The following CACNA2D3 variants were observed in gnomAD, a reference collection of about 807,000 sequenced individuals.
The protein encoded by CACNA2D3 is voltage-dependent calcium channel subunit alpha-2/delta-3.
A neutral mutation model predicts 160.6 loss-of-function variants in CACNA2D3; 60 were observed. That is an observed-to-expected ratio of 0.37 (90% CI 0.30 to 0.46). The LOEUF is 0.46. CACNA2D3 is among the 20% of genes least tolerant of loss of function. The pLI, the probability that CACNA2D3 is intolerant of heterozygous loss-of-function variation, is 1.00. For missense variants in CACNA2D3, 1,205 were observed against 1,365.0 expected (o/e 0.88, Z 1.85); for synonymous variants, 558 against 492.9 (o/e 1.13, Z -1.75).
At chr3:54,645,617 T>C (rs1699618622) in intron 11 of CACNA2D3, among the ~76,000 whole-genome samples, 1 of 152,144 alleles carries the variant, frequency 6.6e-6, no homozygotes, top group Non-Finnish European at 1.5e-5. Flanking sequence ...TGACCACTGC[T>C]CTAGGGGAAC....
At chr3:54,277,414 G>A (rs563121715) in intron 2 of CACNA2D3, among the ~76,000 whole-genome samples, 22 of 152,242 alleles carry the variant, frequency 1.4e-4, no homozygotes, top group South Asian at 4.2e-4. Context: ...TTTTTGTCAG[G>A]TTTATAAACG....
chr3:54,846,492 A>G lies in CACNA2D3; in HGVS notation c.1626+25A>G, dbSNP rs1160721178. On this transcript the variant is annotated intron_variant, in intron 17 of 37. Coordinates refer to ENST00000474759, the MANE Select transcript of CACNA2D3 (RefSeq NM_018398.3). The stretch of plus-strand genomic sequence containing the variant: ...GGTAAGAGAAATTATGTACTTCTGC[A>G]TTTCTGCTTTTATGATTTTAAAAGA... 6.2e-6 allele frequency: 9 copies of G among 1,440,906 alleles called. No homozygotes were observed. The Admixed American group carries it at 1.5e-4, about 24-fold the overall frequency. 89.3% of individuals were successfully genotyped at this position (1,440,906 alleles called of 1,614,324 possible).
At chr3:54,320,314 A>G in intron 2 of CACNA2D3, 128 bp from the exon 3 acceptor site, 2 of 533,072 alleles carry the variant, frequency 3.8e-6, no homozygotes, top group Non-Finnish European at 6.6e-6. Flanking sequence ...AATATCCACA[A>G]ATTCACCAGA....
At chr3:54,653,082 A>G (rs953562280) in intron 11 of CACNA2D3, among the ~76,000 whole-genome samples, 9 of 152,040 alleles carry the variant, frequency 5.9e-5, no homozygotes, top group African/African-American at 2.2e-4. Flanking sequence ...CGTGCCGGAC[A>G]TATGGGAGGC....
chr3:54,526,390 A>AT (rs1701723295), intron 5 of CACNA2D3, among the ~76,000 whole-genome samples: 1 of 151,522 alleles, frequency 6.6e-6, no homozygotes, highest in Non-Finnish European at 1.5e-5. Context: ...ATATTTTCCT[A>AT]TTTTTTGCAT....
intron 2 of CACNA2D3, among the ~76,000 whole-genome samples, chr3:54,191,589 G>A (rs1316191116): frequency 6.6e-6 from 1 of 152,080 alleles, no homozygotes; most frequent in Non-Finnish European, 1.5e-5. Flanking sequence ...AAGGAAATCG[G>A]TGATACAGTC....
rs1220224017 is a variant in CACNA2D3, at chr3:54,198,656, T to C, written c.204+75062T>C. On this transcript the variant is annotated intron_variant, in intron 2 of 37. Coordinates refer to ENST00000474759, the MANE Select transcript of CACNA2D3 (RefSeq NM_018398.3). ...TTGTTTAAAAGGAAGACACTCAGCT[T>C]GGGAGCACTGTGGGATTCAAGGTTT... Among the ~76,000 whole-genome samples, 3 of 152,388 alleles carry C rather than the reference T, an allele frequency of 2.0e-5. No homozygotes were observed. In the South Asian group the frequency reaches 6.2e-4, roughly 32 times the overall value.
intron 11 of CACNA2D3, among the ~76,000 whole-genome samples, chr3:54,741,588 AT>A (rs1255037927): frequency 8.1e-6 from 1 of 122,746 alleles, no homozygotes; most frequent in Non-Finnish European, 1.8e-5. Context: ...AGAAAAAAAA[AT>A]AATAAGAAAA....
At chr3:55,018,854 G>C (rs1221436733) in intron 35 of CACNA2D3, among the ~76,000 whole-genome samples, 1 of 151,404 alleles carries the variant, frequency 6.6e-6, no homozygotes, top group Admixed American at 6.6e-5. Context: ...TTACTGATTT[G>C]GGTGTTCTTT....
At chr3:54,161,512 C>T (rs1700343903) in intron 2 of CACNA2D3, among the ~76,000 whole-genome samples, 1 of 152,236 alleles carries the variant, frequency 6.6e-6, no homozygotes, top group Non-Finnish European at 1.5e-5. Flanking sequence ...TTTGCTTCTG[C>T]ATATGAATTA....
chr3:55,016,124 A>T (rs528756390), intron 34 of CACNA2D3, among the ~76,000 whole-genome samples: 7 of 152,154 alleles, frequency 4.6e-5, no homozygotes, highest in Non-Finnish European at 8.8e-5. Flanking sequence ...GGACAGAGGG[A>T]TAGTGTCTGA....
At chr3:54,565,912 A>G (rs762877072) in intron 6 of CACNA2D3, among the ~76,000 whole-genome samples, 4 of 152,080 alleles carry the variant, frequency 2.6e-5, no homozygotes, top group Non-Finnish European at 5.9e-5. Flanking sequence ...CTACTATAAT[A>G]TTTGCCCCTG....
In CACNA2D3 at chr3:54,286,790, A is replaced by C. The variant is rs527695557; in HGVS notation, c.205-33652A>C. Among the ~76,000 whole-genome samples, 642 of 152,288 alleles carry C rather than the reference A, an allele frequency of 4.2e-3. 16 individuals are homozygous for C. The East Asian group carries it at 0.069, about 16-fold the overall frequency. On this transcript the variant is annotated intron_variant, in intron 2 of 37. Coordinates refer to ENST00000474759, the MANE Select transcript of CACNA2D3 (RefSeq NM_018398.3). The stretch of plus-strand genomic sequence containing the variant: ...CCAATATTCAACATTCTTAAAGAAA[A>C]GAATTTTCAACCCAGAATTTCATAT...
chr3:54,682,724 A>G (rs1700378049), intron 11 of CACNA2D3, among the ~76,000 whole-genome samples: 1 of 152,130 alleles, frequency 6.6e-6, no homozygotes, highest in Non-Finnish European at 1.5e-5. Flanking sequence ...TTATAAATAC[A>G]TCTGGAAAGC....
At chr3:54,301,868 C>T (rs940366051) in intron 2 of CACNA2D3, among the ~76,000 whole-genome samples, 7 of 152,180 alleles carry the variant, frequency 4.6e-5, no homozygotes, top group Non-Finnish European at 1.0e-4. Context: ...ATGACTCAGG[C>T]AGATACATGT....
chr3:54,231,887 G>C (rs1302041184), intron 2 of CACNA2D3, among the ~76,000 whole-genome samples: 2 of 151,958 alleles, frequency 1.3e-5, no homozygotes, highest in Admixed American at 6.5e-5. Flanking sequence ...GGTGGGAGGG[G>C]AGTTCACAAG....
At chr3:54,657,031 T>C (rs771697154) in intron 11 of CACNA2D3, among the ~76,000 whole-genome samples, 2 of 142,572 alleles carry the variant, frequency 1.4e-5, no homozygotes, top group Non-Finnish European at 3.0e-5. Context: ...GGCTGTTTTA[T>C]AGGATTTGGG....
intron 14 of CACNA2D3, among the ~76,000 whole-genome samples, chr3:54,825,711 C>G (rs991004495): frequency 6.6e-6 from 1 of 152,138 alleles, no homozygotes; most frequent in Admixed American, 6.5e-5. Context: ...TTTCTAATTG[C>G]ATTAGAGAAA....
chr3:55,064,066 A>G (rs189147168), intron 35 of CACNA2D3, among the ~76,000 whole-genome samples: 2 of 152,298 alleles, frequency 1.3e-5, no homozygotes, highest in African/African-American at 4.8e-5. Context: ...ACATTGGCCC[A>G]GTGCTTAAGG....
Sources: gnomAD v4.1 joint callset for allele counts (sites outside exome capture counted in the v4.1 genomes callset) on GRCh38, gnomAD v4.1.1 for gene constraint, MANE v1.5 for transcripts, NCBI Gene and HGNC (gene_info 2026-07-23, HGNC 2026-07-21) for gene names.